The following TUSC3 variants were observed in gnomAD, a reference collection of about 807,000 sequenced individuals.
TUSC3 encodes the protein tumor suppressor candidate 3.
TUSC3 carries 45 observed loss-of-function variants against 44.8 expected under a neutral mutation model. The ratio of observed to expected loss-of-function variants is 1.00; its 90% confidence interval spans 0.79 to 1.29. The LOEUF (loss-of-function observed/expected upper bound fraction) is 1.29, where lower values mean the gene tolerates loss of function less well. TUSC3 is among the 50% of genes most tolerant of loss of function. TUSC3 has a pLI of 0.00. For synonymous variants in TUSC3, 212 were observed against 152.9 expected, an observed-to-expected ratio of 1.39 and a Z score of -2.85; for missense variants, 519 against 437.9, an observed-to-expected ratio of 1.19 and a Z score of -1.65.
At chr8:15,843,085 C>T in the TUSC3 span, among the ~76,000 whole-genome samples, 26 of 152,286 alleles carry the variant, frequency 1.7e-4, no homozygotes, top group South Asian at 4.8e-3. Flanking sequence ...GAGGAAATAA[C>T]ACATTCACTG....
intron 2 of TUSC3, among the ~76,000 whole-genome samples, chr8:15,498,996 T>A (rs1162766344): frequency 6.6e-6 from 1 of 152,120 alleles, no homozygotes; most frequent in East Asian, 1.9e-4. Flanking sequence ...GTCCTGAGAG[T>A]AGGTAGTTAT....
intron 1 of TUSC3, among the ~76,000 whole-genome samples, chr8:15,618,021 CTAACCACGTCTAAATTTAG>C (rs1210684463): frequency 6.6e-6 from 1 of 152,124 alleles, no homozygotes; most frequent in African/African-American, 2.4e-5. Flanking sequence ...ATTTATGTAT[CTAACCACGTCTAAATTTAG>C]AAATGGTACA....
intron 1 of TUSC3, among the ~76,000 whole-genome samples, chr8:15,420,866 C>G (rs531259339): frequency 7.9e-5 from 12 of 152,132 alleles, no homozygotes; most frequent in Non-Finnish European, 1.8e-4. Context: ...TCGCTTCTCC[C>G]TAGACTCCTA....
At chr8:15,477,492 G>T (rs771116659) in intron 1 of TUSC3, among the ~76,000 whole-genome samples, 87 of 152,128 alleles carry the variant, frequency 5.7e-4, no homozygotes, top group Non-Finnish European at 7.5e-4. Flanking sequence ...GGAGGCTGAG[G>T]CAGGCAGATC....
intron 6 of TUSC3, among the ~76,000 whole-genome samples, chr8:15,694,618 C>T (rs1390377725): frequency 2.6e-5 from 4 of 151,924 alleles, no homozygotes; most frequent in African/African-American, 9.7e-5. Context: ...GTTCTTTTAT[C>T]CGCTTTGATA....
chr8:15,485,273 T>A (rs1295354792), intron 2 of TUSC3, among the ~76,000 whole-genome samples: 1 of 152,198 alleles, frequency 6.6e-6, no homozygotes, highest in Non-Finnish European at 1.5e-5. Flanking sequence ...CTACTTCTTC[T>A]ATAATTCCAC....
intron 2 of TUSC3, among the ~76,000 whole-genome samples, chr8:15,643,241 T>C (rs1229808549): frequency 6.6e-6 from 1 of 152,202 alleles, no homozygotes; most frequent in Non-Finnish European, 1.5e-5. Context: ...TAAACCTCTT[T>C]CTTTGTAAAT....
Position 15,663,824 on chromosome 8 carries a change from A to G in TUSC3, c.708+1528A>G, listed in dbSNP as rs536664232. On this transcript the variant is annotated intron_variant, in intron 5 of 10. Transcript: ENST00000503731. ...TTCCATGCTAGTTTTCAAGTTGCTT[A>G]ATTCAGTAAAGCTACCCAGGTTTCC... is the stretch of plus-strand genomic sequence containing the variant. 6.6e-5 allele frequency among the ~76,000 whole-genome samples: 10 copies of G among 152,004 alleles called. No individual in the cohort carries two copies. The South Asian group carries it at 2.1e-3, about 32-fold the overall frequency.
intron 1 of TUSC3, among the ~76,000 whole-genome samples, chr8:15,442,687 A>T (rs1244481815): frequency 6.6e-6 from 1 of 152,076 alleles, no homozygotes; most frequent in Admixed American, 6.5e-5. Flanking sequence ...TTCCTTCTAG[A>T]TTCTGTCATC....
At chr8:15,516,108 T>C (rs948249292) in intron 2 of TUSC3, among the ~76,000 whole-genome samples, 1 of 152,228 alleles carries the variant, frequency 6.6e-6, no homozygotes, top group Non-Finnish European at 1.5e-5. Flanking sequence ...TAGATTTTTA[T>C]AGTTACTCAT....
the TUSC3 span, chr8:15,806,947 C>A: frequency 1.4e-6 from 2 of 1,461,176 alleles, no homozygotes; most frequent in Non-Finnish European, 9.6e-7. Flanking sequence ...TCTGACATAA[C>A]TCTCGTGTTC....
In TUSC3 at chr8:15,549,364, G is replaced by T. The variant is rs532930560; in HGVS notation, c.138+8796G>T. On this transcript the variant is annotated intron_variant, in intron 1 of 10. Transcript: ENST00000503731. ...GATTTTTGTATTTTTAGTAGAGGCT[G>T]GGTTTCACCATGTTGATCAGGCTGG... is the stretch of plus-strand genomic sequence containing the variant. Among the ~76,000 whole-genome samples the T allele has an allele frequency of 2.6e-4, 40 of 151,592 alleles. 1 individual carries two copies. In the South Asian group the frequency reaches 8.4e-3, roughly 32 times the overall value.
chr8:15,851,573 G>T, the TUSC3 span, among the ~76,000 whole-genome samples: 1 of 152,152 alleles, frequency 6.6e-6, no homozygotes, highest in African/African-American at 2.4e-5. Flanking sequence ...CAAGACATGG[G>T]ACACGTGAGC....
At chr8:15,807,016 C>A in the TUSC3 span, 1 of 1,434,708 alleles carries the variant, frequency 7.0e-7, no homozygotes. Flanking sequence ...AGAAGGTGCT[C>A]CTGCAGACCC....
the TUSC3 span, among the ~76,000 whole-genome samples, chr8:15,790,259 C>G: frequency 3.0e-5 from 4 of 133,632 alleles, no homozygotes; most frequent in Non-Finnish European, 6.1e-5. Context: ...GATTTTGGCT[C>G]GCTGCAACCT....
chr8:15,457,832 T>G (rs1800278733), intron 1 of TUSC3, among the ~76,000 whole-genome samples: 2 of 144,238 alleles, frequency 1.4e-5, no homozygotes, highest in South Asian at 2.2e-4. Context: ...TAATTATTAA[T>G]AAATTAGATT....
intron 1 of TUSC3, among the ~76,000 whole-genome samples, chr8:15,598,813 A>G (rs1027034600): frequency 2.0e-5 from 3 of 151,502 alleles, no homozygotes; most frequent in African/African-American, 7.3e-5. Flanking sequence ...TATTGTCTGG[A>G]TGTACCAGTT....
chr8:15,800,177 C>T, the TUSC3 span, among the ~76,000 whole-genome samples: 26 of 152,296 alleles, frequency 1.7e-4, no homozygotes, highest in African/African-American at 3.6e-4. Flanking sequence ...ATCAGTGCCA[C>T]GCTCACAAAA....
At chr8:15,688,425 G>A (rs1808734665) in intron 6 of TUSC3, among the ~76,000 whole-genome samples, 2 of 91,854 alleles carry the variant, frequency 2.2e-5, no homozygotes, top group African/African-American at 8.0e-5. Flanking sequence ...TAACACTTCA[G>A]TATTCTTTTT....
Sources: gnomAD v4.1 joint callset for allele counts (sites outside exome capture counted in the v4.1 genomes callset) on GRCh38, gnomAD v4.1.1 for gene constraint, MANE v1.5 for transcripts, NCBI Gene and HGNC (gene_info 2026-07-23, HGNC 2026-07-21) for gene names.